Variants in HIP1R observed in about 807,000 individuals in gnomAD.
HIP1R encodes huntingtin-interacting protein 1-related protein.
HIP1R carries 135 observed loss-of-function variants against 144.2 expected under a neutral mutation model. That is an observed-to-expected ratio of 0.94 (90% CI 0.81 to 1.08). HIP1R has a LOEUF of 1.08. Ranked by LOEUF, HIP1R falls within the 50% of genes least tolerant of loss-of-function variation. The probability of loss-of-function intolerance (pLI) is 0.00; values close to 1 mark genes in which losing one functional copy is unlikely to be tolerated. For synonymous variants in HIP1R, 698 were observed against 612.8 expected (o/e 1.14, Z -2.05); for missense variants, 1,462 against 1,432.8 (o/e 1.02, Z -0.33).
chr12:122,834,911 G>T (rs890981623), upstream of HIP1R: 2 of 1,279,004 alleles, frequency 1.6e-6, no homozygotes, highest in Non-Finnish European at 2.0e-6. Flanking sequence ...GACCAAAAAG[G>T]AAAAAAAGCG....
intron 1 of HIP1R, among the ~76,000 whole-genome samples, chr12:122,838,430 C>T (rs2032967434): frequency 6.6e-6 from 1 of 152,016 alleles, no homozygotes; most frequent in Non-Finnish European, 1.5e-5. Flanking sequence ...TATTTGGAAC[C>T]TGAACACTGC....
At chr12:122,851,384 A>T in intron 7 of HIP1R, 87 bp downstream of exon 7, 1 of 1,141,390 alleles carries the variant, frequency 8.8e-7, no homozygotes, top group South Asian at 1.7e-5. Context: ...GACATGAGTG[A>T]TCAGACCAAC....
At chr12:122,835,454 G>C (rs1163495285), upstream of HIP1R, 3 of 1,156,436 alleles carry the variant, frequency 2.6e-6, no homozygotes, top group South Asian at 7.4e-5. Flanking sequence ...GCCCGGGCGC[G>C]GCGCGGTGGC....
Position 122,858,441 on chromosome 12 carries a change from T to C in HIP1R, c.2050+6T>C, listed in dbSNP as rs747437931. ...GTACCTGACCTCCTTGGCAGGTGAG[T>C]GTAGCCAGGGCAGGGCGGAGGCGGG... is the stretch of plus-strand genomic sequence containing the variant. On this transcript the variant is annotated splice_donor_region_variant and intron_variant, in intron 20 of 31. Coordinates refer to ENST00000253083, the MANE Select transcript of HIP1R (RefSeq NM_003959.3). 3 of 1,598,980 alleles carry C rather than the reference T, an allele frequency of 1.9e-6. No individual in the cohort carries two copies. The highest frequency in any genetic ancestry group is 2.2e-5 in the East Asian group (1 of 44,610).
chr12:122,851,231 C>G lies in HIP1R; in HGVS notation c.516-5C>G. On this transcript the variant is annotated splice_polypyrimidine_tract_variant and splice_region_variant and intron_variant, in intron 6 of 31. Coordinates refer to ENST00000253083, the MANE Select transcript of HIP1R (RefSeq NM_003959.3). ...TTCATTTCTTCCCCCACTTCTCTTG[C>G]GTAGCTTCCAGCTCACTGTGGAGAT... 6.6e-7 allele frequency: 1 copy of G among 1,507,112 alleles called. No homozygotes were observed. The highest frequency in any genetic ancestry group is 2.5e-5 in the East Asian group (1 of 39,484). 93.4% of individuals were successfully genotyped at this position (1,507,112 alleles called of 1,614,324 possible).
chr12:122,848,345 G>T, intron 2 of HIP1R, 121 bp from the exon 3 acceptor site: 1 of 1,261,042 alleles, frequency 7.9e-7, no homozygotes, highest in East Asian at 2.4e-5. Flanking sequence ...CTGGTGACCC[G>T]GGGTTGATGG....
At chr12:122,846,953 C>A (rs189679635) in intron 1 of HIP1R, among the ~76,000 whole-genome samples, 1 of 152,346 alleles carries the variant, frequency 6.6e-6, no homozygotes, top group Admixed American at 6.5e-5. Flanking sequence ...CGCAGGAGCG[C>A]TGCACTGTCC....
rs1054206794 is a variant in HIP1R at position 122,858,245 on chromosome 12, C to A, written c.1959C>A (p.Ser653=). ...DDPLHLRCTS[S]PDYLVSRAQE... ...CCCTGCACCTGCGCTGTACCAGCTCCCCAGGTAGACAGTGGGGCCACACTC... is the reference window on the plus strand; with the variant it reads ...CCCTGCACCTGCGCTGTACCAGCTCACCAGGTAGACAGTGGGGCCACACTC... Residue 653 remains serine, a synonymous_variant, in exon 19 of 32, where the codon TCC becomes TCA. Coordinates refer to ENST00000253083, the MANE Select transcript of HIP1R (RefSeq NM_003959.3). 5 of 1,587,758 alleles carry A rather than the reference C, an allele frequency of 3.1e-6. No individual in the cohort carries two copies. Among genetic ancestry groups the A allele is most frequent in the Non-Finnish European group, 4.3e-6 (5 of 1,162,134 alleles).
Position 122,835,685 on chromosome 12 carries a change from G to A in HIP1R, c.93+42G>A. On this transcript the variant is annotated intron_variant, in intron 1 of 31. Transcript: ENST00000253083. ...CGGCGGGCGGCGGGCGGCGGCGGGC[G>A]GGCGGGCAAGCGGCGTCCCTGACCC... 8.3e-6 allele frequency: 9 copies of A among 1,086,556 alleles called. No individual in the cohort carries two copies. In the South Asian group the frequency reaches 2.9e-4, roughly 35 times the overall value. 67.3% of individuals were successfully genotyped at this position (1,086,556 alleles called of 1,614,324 possible). A position where few individuals can be genotyped will look rare whatever the true frequency, so the allele number is the denominator to read the frequency against.
chr12:122,860,221 G>A lies in HIP1R; in HGVS notation c.2559+11G>A, dbSNP rs377446386. The A allele has an allele frequency of 6.7e-5, 104 of 1,547,570 alleles. No homozygotes were observed. Among genetic ancestry groups the A allele is most frequent in the Non-Finnish European group, 8.1e-5 (93 of 1,148,478 alleles). On this transcript the variant is annotated intron_variant, in intron 26 of 31. Transcript: ENST00000253083. ...GTGGAGAGCGGCAGGGTGAGGGGCC[G>A]GCGGCAGCAGGGCACAGTCCACAAG...
rs201253678 is a variant in HIP1R at position 122,861,540 on chromosome 12, G to A, written c.3159+26G>A. On this transcript the variant is annotated intron_variant, in intron 31 of 31. Coordinates refer to ENST00000253083, the MANE Select transcript of HIP1R (RefSeq NM_003959.3). ...GTGCCGTCTGCACTGGGATGGGGGA[G>A]TTCCTGGACGGGGGTGCTGTCCCCA... 1.7e-5 allele frequency: 27 copies of A among 1,598,390 alleles called. No homozygotes were observed. The African/African-American group carries it at 3.5e-4, about 21-fold the overall frequency.
Position 122,854,075 on chromosome 12 carries a change from T to A in HIP1R, c.610T>A (p.Ser204Thr). ...ACAGCTCAACACGGCCATCGCCGTA[T>A]CCCAGATGTCCTCAGGCCAGTGCCG... Reference protein sequence around the residue: ...FRQLNTAIAVSQMSSGQCRLA... With the variant: ...FRQLNTAIAVTQMSSGQCRLA... The change falls in exon 8 of 32, where the codon TCC (serine) becomes ACC (threonine). Residue 204 changes from serine (S) to threonine (T), a missense_variant. Coordinates refer to ENST00000253083, the MANE Select transcript of HIP1R (RefSeq NM_003959.3). The A allele has an allele frequency of 6.2e-7, 1 of 1,613,820 alleles. No individual in the cohort carries two copies. The highest frequency in any genetic ancestry group is 8.5e-7 in the Non-Finnish European group (1 of 1,179,926).
chr12:122,860,129 G>C lies in HIP1R; in HGVS notation c.2497-19G>C, dbSNP rs1162458540. On this transcript the variant is annotated intron_variant, in intron 25 of 31. Transcript: ENST00000253083. Reference sequence around the variant, plus strand: ...TGCACCTGGAGGGCCACCAGTCATTGCTGTCTTGGTCTCGGCAGGCTATCC... The same window carrying C: ...TGCACCTGGAGGGCCACCAGTCATTCCTGTCTTGGTCTCGGCAGGCTATCC... The C allele has an allele frequency of 6.3e-7, 1 of 1,589,260 alleles. No individual in the cohort carries two copies. The highest frequency in any genetic ancestry group is 8.6e-7 in the Non-Finnish European group (1 of 1,169,094).
At chr12:122,846,972 G>A (rs1298273019) in intron 1 of HIP1R, among the ~76,000 whole-genome samples, 1 of 152,246 alleles carries the variant, frequency 6.6e-6, no homozygotes, top group African/African-American at 2.4e-5. Flanking sequence ...CCTGCAAGCC[G>A]GCTCCCTGCC....
chr12:122,845,253 A>C (rs1251005937), intron 1 of HIP1R, among the ~76,000 whole-genome samples: 3 of 152,212 alleles, frequency 2.0e-5, no homozygotes, highest in African/African-American at 7.2e-5. Context: ...CTCCCGGGAC[A>C]GGGCTTAGCT....
intron 24 of HIP1R, 97 bp from the exon 25 acceptor site, chr12:122,859,950 C>T (rs1482684778): frequency 3.4e-6 from 5 of 1,460,204 alleles, no homozygotes; most frequent in Admixed American, 4.2e-5. Flanking sequence ...CAGACACTCC[C>T]TCCCCACCTG....
At chr12:122,857,628 A>C in intron 18 of HIP1R, 1 of 336,522 alleles carries the variant, frequency 3.0e-6, no homozygotes, top group Non-Finnish European at 5.6e-6. Context: ...GCTGGGTCTC[A>C]CCTCTGTTAC....
chr12:122,861,849 C>T lies in HIP1R; in HGVS notation c.*96C>T. ...AGGCCTTGCCCCTCCACCTGGTGCC[C>T]AAGCCTCCCGCCCCACCGTCTGGAT... On this transcript the variant is annotated 3_prime_UTR_variant, in exon 32 of 32. Coordinates refer to ENST00000253083, the MANE Select transcript of HIP1R (RefSeq NM_003959.3). 9 of 1,143,942 alleles carry T rather than the reference C, an allele frequency of 7.9e-6. No individual in the cohort carries two copies. The highest frequency in any genetic ancestry group is 1.2e-5 in the Non-Finnish European group (9 of 780,314). The allele number at this position is 1,143,942 out of a possible 1,614,324, so 70.9% of individuals were successfully genotyped here. A position where few individuals can be genotyped will look rare whatever the true frequency, so the allele number is the denominator to read the frequency against.
chr12:122,850,275 A>G (rs1161382698), intron 5 of HIP1R: 1 of 534,712 alleles, frequency 1.9e-6, no homozygotes, highest in East Asian at 4.7e-5. Context: ...GCCCTCTGCC[A>G]CCTATGTGGG....
Sources: gnomAD v4.1 joint callset for allele counts (sites outside exome capture counted in the v4.1 genomes callset) on GRCh38, gnomAD v4.1.1 for gene constraint, MANE v1.5 for transcripts, NCBI Gene and HGNC (gene_info 2026-07-23, HGNC 2026-07-21) for gene names.